LARP4: variants seen among roughly 807,000 people sequenced by gnomAD.
LARP4 encodes La ribonucleoprotein 4, also known as la-related protein 4.
In LARP4, 29 loss-of-function variants were observed where a neutral mutation model predicts 92.9. The observed-to-expected ratio is 0.31, with a 90% CI of 0.23 to 0.43. LARP4 has a LOEUF of 0.43. Ranked by LOEUF, LARP4 falls within the 20% of genes least tolerant of loss-of-function variation. The pLI is 1.00. For missense variants in LARP4, 732 were observed against 860.0 expected, an observed-to-expected ratio of 0.85 and a Z score of 1.86; for synonymous variants, 279 against 284.1, an observed-to-expected ratio of 0.98 and a Z score of 0.18.
At chr12:50,412,762 A>G (rs987070569) in intron 1 of LARP4, among the ~76,000 whole-genome samples, 1 of 152,176 alleles carries the variant, frequency 6.6e-6, no homozygotes, top group African/African-American at 2.4e-5. Flanking sequence ...TTTGTTGAGT[A>G]TCTATGTGCT....
intron 6 of LARP4, among the ~76,000 whole-genome samples, chr12:50,439,602 G>C (rs1950913480): frequency 6.6e-6 from 1 of 152,054 alleles, no homozygotes; most frequent in East Asian, 1.9e-4. Context: ...ATGGTGTCTA[G>C]CTATGCTGTA....
chr12:50,441,689 C>A, intron 8 of LARP4, 46 bp downstream of exon 8: 1 of 1,347,304 alleles, frequency 7.4e-7, no homozygotes, highest in South Asian at 1.3e-5. Context: ...TTTTGGTTCT[C>A]TGTATGAGAA....
At chr12:50,452,541 T>A (rs894261763) in intron 8 of LARP4, among the ~76,000 whole-genome samples, 1 of 152,204 alleles carries the variant, frequency 6.6e-6, no homozygotes, top group African/African-American at 2.4e-5. Flanking sequence ...CTAATTTACC[T>A]TCCCAGCAAC....
intron 7 of LARP4, 135 bp from the exon 8 acceptor site, chr12:50,441,455 C>T: frequency 1.9e-6 from 1 of 531,312 alleles, no homozygotes; most frequent in Non-Finnish European, 3.3e-6. Context: ...TTTTTCATTC[C>T]CTGTCCACCT....
rs71083567 is a variant in LARP4, at chr12:50,420,947, C to CTTTTTTTTTTTTT, written c.19-6810_19-6798dup. On this transcript the variant is annotated intron_variant, in intron 1 of 15. Coordinates refer to ENST00000398473, the MANE Select transcript of LARP4 (RefSeq NM_052879.5). ...ATTTGAAGGTACAGAATAACCTTTG[C>CTTTTTTTTTTTTT]TTTTTTTTTTTTTTTTTGGAGAGAT... 3.0e-4 allele frequency: 33 copies of CTTTTTTTTTTTTT among 111,438 alleles called. 2 individuals carry two copies. The highest frequency in any genetic ancestry group is 1.5e-3 in the South Asian group (5 of 3,344). The allele number at this position is 111,438 out of a possible 1,614,324, so 6.9% of individuals were successfully genotyped here.
chr12:50,418,641 G>T (rs182148036), intron 1 of LARP4, among the ~76,000 whole-genome samples: 82 of 151,958 alleles, frequency 5.4e-4, no homozygotes, highest in African/African-American at 1.9e-3. Context: ...GGCTGGTCTC[G>T]AACTCCTGAG....
chr12:50,475,584 C>T lies in LARP4; in HGVS notation c.1895C>T (p.Ser632Leu), dbSNP rs1017834437. ...CAGAAGCCCCCTAAAGAGCCATCTT[C>T]AGTTCTTGTGCAGCCACTACGGGAA... ...VCQKPPKEPS[S>L]VLVQPLRELR... Residue 632 changes from serine (S) to leucine (L), a missense_variant, in exon 16 of 16, where the codon TCA becomes TTA. Coordinates refer to ENST00000398473, the MANE Select transcript of LARP4 (RefSeq NM_052879.5). 3 of 1,614,042 alleles carry T rather than the reference C, an allele frequency of 1.9e-6. No homozygotes were observed. Among genetic ancestry groups the T allele is most frequent in the African/African-American group, 1.3e-5 (1 of 74,908 alleles).
chr12:50,451,227 C>T (rs1256156903), intron 8 of LARP4, among the ~76,000 whole-genome samples: 1 of 152,156 alleles, frequency 6.6e-6, no homozygotes, highest in Non-Finnish European at 1.5e-5. Context: ...CCCTGCCTCC[C>T]CCTATCCCTA....
At chr12:50,401,236 G>A (rs1425851790) in intron 1 of LARP4, 4 of 640,952 alleles carry the variant, frequency 6.2e-6, no homozygotes, top group South Asian at 5.2e-5. Context: ...GGCCCGTAGT[G>A]GAGAAGAATT....
chr12:50,468,588 C>T (rs146163242), intron 13 of LARP4, among the ~76,000 whole-genome samples: 13 of 152,128 alleles, frequency 8.5e-5, no homozygotes, highest in African/African-American at 2.9e-4. Context: ...TGAGCCACCG[C>T]GCCCTGCCTA....
intron 4 of LARP4, among the ~76,000 whole-genome samples, chr12:50,431,996 G>T (rs1417439425): frequency 2.0e-5 from 3 of 152,104 alleles, no homozygotes; most frequent in Non-Finnish European, 2.9e-5. Context: ...AAATTAGCGG[G>T]GTGTGGTAGC....
intron 1 of LARP4, among the ~76,000 whole-genome samples, chr12:50,408,145 A>G (rs536302964): frequency 8.9e-5 from 11 of 123,578 alleles, no homozygotes; most frequent in African/African-American, 2.7e-4. Context: ...GTTAAGTTCT[A>G]TTGGGTTTGT....
At chr12:50,413,866 C>T (rs989068908) in intron 1 of LARP4, among the ~76,000 whole-genome samples, 1 of 152,088 alleles carries the variant, frequency 6.6e-6, no homozygotes, top group Admixed American at 6.6e-5. Flanking sequence ...TACAGTTTTC[C>T]CTAAATCTGG....
At chr12:50,434,661 C>T (rs929111100) in intron 4 of LARP4, among the ~76,000 whole-genome samples, 6 of 151,628 alleles carry the variant, frequency 4.0e-5, no homozygotes, top group African/African-American at 1.2e-4. Context: ...CCCGCCTCGG[C>T]GTCCCAAAGT....
chr12:50,426,694 T>G (rs932732173), intron 1 of LARP4, among the ~76,000 whole-genome samples: 83 of 120,608 alleles, frequency 6.9e-4, no homozygotes, highest in African/African-American at 3.1e-3. Flanking sequence ...GGTGTGTGTG[T>G]GTGTGTGTGT....
chr12:50,411,322 C>T (rs1170273805), intron 1 of LARP4, among the ~76,000 whole-genome samples: 1 of 151,920 alleles, frequency 6.6e-6, no homozygotes, highest in Non-Finnish European at 1.5e-5. Context: ...GCTGGGATTA[C>T]AGGCACCTGC....
intron 10 of LARP4, among the ~76,000 whole-genome samples, chr12:50,456,400 A>C (rs1954249855): frequency 6.6e-6 from 1 of 152,228 alleles, no homozygotes; most frequent in Admixed American, 6.5e-5. Context: ...AAAAATGCAA[A>C]TAAAGACCTT....
chr12:50,413,596 CAA>C (rs994601552), intron 1 of LARP4, among the ~76,000 whole-genome samples: 100 of 152,264 alleles, frequency 6.6e-4, no homozygotes, highest in African/African-American at 2.4e-3. Context: ...GGTATACCTA[CAA>C]CACACCTAGG....
intron 13 of LARP4, 97 bp downstream of exon 13, chr12:50,467,217 T>C (rs2138920370): frequency 1.1e-6 from 1 of 899,088 alleles, no homozygotes; most frequent in Admixed American, 2.7e-5. Flanking sequence ...TAGTGTACAT[T>C]TCTATCATAG....
Sources: gnomAD v4.1 joint callset for allele counts (sites outside exome capture counted in the v4.1 genomes callset) on GRCh38, gnomAD v4.1.1 for gene constraint, MANE v1.5 for transcripts, NCBI Gene and HGNC (gene_info 2026-07-23, HGNC 2026-07-21) for gene names.